The following RMST variants were observed in gnomAD, a reference collection of about 807,000 sequenced individuals.
The protein encoded by RMST is long intergenic non-protein coding RNA 54.
chr12:97,517,450 T>C (rs2136538546), intron 10 of RMST, among the ~76,000 whole-genome samples: 1 of 152,100 alleles, frequency 6.6e-6, no homozygotes, highest in Non-Finnish European at 1.5e-5. Flanking sequence ...TTCACTTCTT[T>C]TTCCATTCTC....
chr12:97,511,025 TA>T (rs1378402343), intron 10 of RMST, among the ~76,000 whole-genome samples: 3 of 152,242 alleles, frequency 2.0e-5, no homozygotes, highest in African/African-American at 7.2e-5. Flanking sequence ...AAATTTGACT[TA>T]AATTTCGAAG....
chr12:97,478,182 T>C (rs1874788576), intron 5 of RMST, among the ~76,000 whole-genome samples: 1 of 152,230 alleles, frequency 6.6e-6, no homozygotes. Flanking sequence ...GAGCTTTTCA[T>C]TTGAAAATGG....
At chr12:97,540,524 A>G (rs1882418178) in intron 11 of RMST, among the ~76,000 whole-genome samples, 1 of 151,794 alleles carries the variant, frequency 6.6e-6, no homozygotes. Flanking sequence ...TGCAAATTTC[A>G]GACAAATGGG....
intron 5 of RMST, among the ~76,000 whole-genome samples, chr12:97,487,955 G>A (rs923157037): frequency 3.3e-5 from 5 of 152,224 alleles, no homozygotes; most frequent in East Asian, 1.9e-4. Context: ...CACTTCAACC[G>A]TCTCCTTCTA....
Position 97,554,533 on chromosome 12 carries a change from T to TA in RMST, n.1546-5994dup, listed in dbSNP as rs547427048. Among the ~76,000 whole-genome samples, 63 of 148,946 alleles carry TA rather than the reference T, an allele frequency of 4.2e-4. No homozygotes were observed. The Middle Eastern group carries it at 0.01, about 25-fold the overall frequency. ...AAAGTTTCAGTAAACACTTTTAATT[T>TA]AAAAAAAAAAGTCTTAAGGTAACCC... is the stretch of plus-strand genomic sequence containing the variant. On this transcript the variant is annotated intron_variant and non_coding_transcript_variant, in intron 11 of 13. Coordinates refer to ENST00000640149, the Ensembl canonical transcript of RMST.
chr12:97,547,478 C>T (rs1305784029), intron 11 of RMST, among the ~76,000 whole-genome samples: 2 of 151,972 alleles, frequency 1.3e-5, no homozygotes, highest in African/African-American at 2.4e-5. Context: ...TACTGTTTTC[C>T]ATAATGGCTA....
chr12:97,526,065 C>T (rs940039621), intron 10 of RMST, among the ~76,000 whole-genome samples: 2 of 151,878 alleles, frequency 1.3e-5, no homozygotes, highest in African/African-American at 4.8e-5. Flanking sequence ...AAGCTCAGGG[C>T]TCCCACTGAT....
intron 10 of RMST, among the ~76,000 whole-genome samples, chr12:97,517,110 A>G (rs1880015527): frequency 1.3e-5 from 2 of 151,982 alleles, no homozygotes; most frequent in South Asian, 2.1e-4. Flanking sequence ...TATCAGATGG[A>G]AAGATTGATA....
At chr12:97,510,835 G>C (rs868732081) in intron 10 of RMST, among the ~76,000 whole-genome samples, 1 of 152,042 alleles carries the variant, frequency 6.6e-6, no homozygotes, top group Non-Finnish European at 1.5e-5. Flanking sequence ...AAAGTCGATA[G>C]GCTGAATGTT....
intron 5 of RMST, among the ~76,000 whole-genome samples, chr12:97,483,829 G>A (rs1453563219): frequency 6.6e-6 from 1 of 152,124 alleles, no homozygotes; most frequent in Non-Finnish European, 1.5e-5. Flanking sequence ...TAAAGCCCAA[G>A]TGGGACAATA....
In RMST at chr12:97,487,786, C is replaced by T. The variant is rs558229193; in HGVS notation, n.645-4675C>T. Among the ~76,000 whole-genome samples, 4 of 152,312 alleles carry T rather than the reference C, an allele frequency of 2.6e-5. No individual in the cohort carries two copies. In the South Asian group the frequency reaches 8.3e-4, roughly 32 times the overall value. On this transcript the variant is annotated intron_variant and non_coding_transcript_variant, in intron 5 of 13. Coordinates refer to ENST00000640149, the Ensembl canonical transcript of RMST. ...AACCAGGTTGCCATGTTTAGCTCCT[C>T]GCAGTCTTTGTTCTTCACATCCCCC...
chr12:97,545,335 C>T (rs374014080), intron 11 of RMST, among the ~76,000 whole-genome samples: 10 of 151,856 alleles, frequency 6.6e-5, no homozygotes, highest in African/African-American at 1.9e-4. Flanking sequence ...GTTGACATTG[C>T]GAGTATAGAG....
intron 11 of RMST, among the ~76,000 whole-genome samples, chr12:97,546,473 T>A (rs549552258): frequency 4.6e-5 from 7 of 152,108 alleles, no homozygotes; most frequent in Non-Finnish European, 1.0e-4. Flanking sequence ...TCCCAGCTAC[T>A]TGGGAGGCTG....
chr12:97,520,662 T>A (rs955345812), intron 10 of RMST, among the ~76,000 whole-genome samples: 1 of 152,206 alleles, frequency 6.6e-6, no homozygotes, highest in Admixed American at 6.5e-5. Context: ...TTTTTAATTC[T>A]CTTGCTTTAT....
chr12:97,527,639 T>C (rs1038633282), intron 10 of RMST, among the ~76,000 whole-genome samples: 7 of 151,494 alleles, frequency 4.6e-5, no homozygotes, highest in Admixed American at 3.9e-4. Context: ...AGGTATGCCA[T>C]AAGCAGCCAT....
chr12:97,556,823 A>G (rs1402411535), intron 11 of RMST, among the ~76,000 whole-genome samples: 2 of 152,218 alleles, frequency 1.3e-5, no homozygotes, highest in Non-Finnish European at 2.9e-5. Flanking sequence ...TTTGATCGTC[A>G]TAAGATACTT....
intron 10 of RMST, among the ~76,000 whole-genome samples, chr12:97,508,844 A>G (rs561171091): frequency 6.6e-6 from 1 of 152,352 alleles, no homozygotes; most frequent in Admixed American, 6.5e-5. Flanking sequence ...GGTAGAAACT[A>G]GACGGTCAAG....
At chr12:97,487,722 C>G (rs995327324) in intron 5 of RMST, among the ~76,000 whole-genome samples, 2 of 152,180 alleles carry the variant, frequency 1.3e-5, no homozygotes, top group African/African-American at 4.8e-5. Flanking sequence ...CTGCATGAGT[C>G]CATTCCCTTG....
At chr12:97,467,630 G>C (rs544414555) in intron 5 of RMST, among the ~76,000 whole-genome samples, 15 of 151,984 alleles carry the variant, frequency 9.9e-5, no homozygotes, top group African/African-American at 3.6e-4. Flanking sequence ...CTTTCTTCTT[G>C]TCATTATGTT....
Sources: gnomAD v4.1 joint callset for allele counts (sites outside exome capture counted in the v4.1 genomes callset) on GRCh38, gnomAD v4.1.1 for gene constraint, MANE v1.5 for transcripts, NCBI Gene and HGNC (gene_info 2026-07-23, HGNC 2026-07-21) for gene names.